WNK2: variants seen among roughly 807,000 people sequenced by gnomAD.
The protein encoded by WNK2 is WNK lysine deficient protein kinase 2.
Under a neutral mutation model 192.1 loss-of-function variants are expected in WNK2, and 67 were observed. That is an observed-to-expected ratio of 0.35 (90% CI 0.29 to 0.43). WNK2 has a LOEUF of 0.43. Among genes scored for constraint, WNK2 ranks in the 20% least tolerant of loss-of-function variants. The pLI, the probability that WNK2 is intolerant of heterozygous loss-of-function variation, is 1.00. For synonymous variants in WNK2, 1,439 were observed against 1,393.9 expected, an observed-to-expected ratio of 1.03 and a Z score of -0.72; for missense variants, 2,698 against 3,089.7, an observed-to-expected ratio of 0.87 and a Z score of 3.01.
rs59357990 is a variant in WNK2, at chr9:93,195,699, C to CAAAAAAAAAAAAAAAAAAAAAAAAAAAA, written c.681+10114_681+10115insAAAAAAAAAAAAAAAAAAAAAAAAAAAA. Among the ~76,000 whole-genome samples, 8 of 41,670 alleles carry CAAAAAAAAAAAAAAAAAAAAAAAAAAAA rather than the reference C, an allele frequency of 1.9e-4. 2 individuals are homozygous for CAAAAAAAAAAAAAAAAAAAAAAAAAAAA. Among genetic ancestry groups the CAAAAAAAAAAAAAAAAAAAAAAAAAAAA allele is most frequent in the African/African-American group, 4.7e-4 (4 of 8,600 alleles). The allele number at this position is 41,670 out of a possible 152,430, so 27.3% of individuals were successfully genotyped here. ...GGGCAACAGAGTAAAGACTTTGTCT[C>CAAAAAAAAAAAAAAAAAAAAAAAAAAAA]AAAAAAAAAAAAAAAAAAAAAAAAA... On this transcript the variant is annotated intron_variant, in intron 2 of 29. Transcript: ENST00000427277.
intron 2 of WNK2, among the ~76,000 whole-genome samples, 171 bp downstream of exon 2, chr9:93,185,781 C>A (rs746777140): frequency 6.6e-6 from 1 of 152,182 alleles, no homozygotes; most frequent in Non-Finnish European, 1.5e-5. Context: ...GGTGTGCGGA[C>A]GGCATGTGGG....
chr9:93,289,563 C>A lies in WNK2; in HGVS notation c.4809C>A (p.Ala1603=). 6.5e-7 allele frequency: 1 copy of A among 1,545,648 alleles called. No individual in the cohort carries two copies. ...PRSEVCGGDL[A]LPPVPKEAVS... ...CAGAGGTCTGCGGGGGGGACCTGGC[C>A]CTGCCCCCAGTGCCTAAGGAGGCGG... The change falls in exon 20 of 30, where the codon GCC becomes GCA. Residue 1603 remains alanine, a synonymous_variant. Transcript: ENST00000427277.
chr9:93,257,179 G>A lies in WNK2; in HGVS notation c.2382+40G>A, dbSNP rs1200210919. On this transcript the variant is annotated intron_variant, in intron 11 of 29. Transcript: ENST00000427277. The surrounding 1 kb of genome is among the most constrained non-coding windows in gnomAD (Gnocchi z 4.7). ...ATGGCTGCCGTCAGTGGTGGCGCACGCTTTGCCAGGCCCTGGCTGGTGCAC... is the reference window on the plus strand; with the variant it reads ...ATGGCTGCCGTCAGTGGTGGCGCACACTTTGCCAGGCCCTGGCTGGTGCAC... 7 of 1,579,038 alleles carry A rather than the reference G, an allele frequency of 4.4e-6. No homozygotes were observed. The highest frequency in any genetic ancestry group is 3.4e-6 in the Non-Finnish European group (4 of 1,168,562).
intron 2 of WNK2, among the ~76,000 whole-genome samples, chr9:93,193,704 A>C (rs7031721): frequency 8.5e-5 from 13 of 152,150 alleles, no homozygotes; most frequent in African/African-American, 3.1e-4. Flanking sequence ...GAGGTTGGCA[A>C]CCTGAACACT....
chr9:93,210,877 G>A (rs532425246), intron 2 of WNK2, among the ~76,000 whole-genome samples: 3 of 152,280 alleles, frequency 2.0e-5, no homozygotes, highest in East Asian at 1.9e-4. Context: ...GTCCAGGGCC[G>A]CTATGGGAGC....
rs559549711 is a variant in WNK2 at position 93,230,872 on chromosome 9, C to A, written c.855-16C>A. ...CGGCGAGCTGCTTGGTGAGCTGTGCCCGTGAACCCCTGCAGATACCTGAAG... is the reference window on the plus strand; with the variant it reads ...CGGCGAGCTGCTTGGTGAGCTGTGCACGTGAACCCCTGCAGATACCTGAAG... On this transcript the variant is annotated splice_polypyrimidine_tract_variant and intron_variant, in intron 3 of 29. Transcript: ENST00000427277. 3.1e-6 allele frequency: 5 copies of A among 1,605,090 alleles called. No individual in the cohort carries two copies. The African/African-American group carries it at 6.7e-5, about 21-fold the overall frequency.
At chr9:93,272,236 C>A (rs762668338) in intron 19 of WNK2, among the ~76,000 whole-genome samples, 3 of 152,134 alleles carry the variant, frequency 2.0e-5, no homozygotes, top group Non-Finnish European at 4.4e-5. Context: ...TCCTCGAGTT[C>A]TTTAAAACAT....
intron 2 of WNK2, among the ~76,000 whole-genome samples, chr9:93,207,495 C>T (rs946592946): frequency 6.6e-6 from 1 of 152,200 alleles, no homozygotes; most frequent in Admixed American, 6.5e-5. Context: ...GCCAGCCCCT[C>T]CTTTTTTGGA....
chr9:93,255,156 T>G (rs1393658235), intron 9 of WNK2, among the ~76,000 whole-genome samples: 2 of 152,174 alleles, frequency 1.3e-5, no homozygotes, highest in Non-Finnish European at 2.9e-5. Flanking sequence ...TCAAAAAGGA[T>G]GAGGCCTGGA....
chr9:93,247,721 A>C lies in WNK2; in HGVS notation c.1721A>C (p.Gln574Pro). 6.4e-7 allele frequency: 1 copy of C among 1,559,336 alleles called. No individual in the cohort carries two copies. Among genetic ancestry groups the C allele is most frequent in the Non-Finnish European group, 8.7e-7 (1 of 1,152,354 alleles). ...GGTCCGCCGGTGCCCCTGCAGGTCC[A>C]GGTGACCTACCATGCACAGGCTGGG... Reference protein sequence around the residue: ...ARGPPVPLQVQVTYHAQAGQP... With the variant: ...ARGPPVPLQVPVTYHAQAGQP... Residue 574 changes from glutamine (Q) to proline (P), a missense_variant, in exon 8 of 30, where the codon CAG becomes CCG. Coordinates refer to ENST00000427277, the MANE Select transcript of WNK2 (RefSeq NM_006648.4). The surrounding 1 kb of genome is among the most constrained non-coding windows in gnomAD (Gnocchi z 5.2).
At position 93,306,675 on chromosome 9, in the gene WNK2, C is replaced by T. The variant is rs1229292198; in HGVS notation, c.6215-102C>T. 3 of 1,445,518 alleles carry T rather than the reference C, an allele frequency of 2.1e-6. No homozygotes were observed. In the Admixed American group the frequency reaches 5.0e-5, roughly 24 times the overall value. 89.5% of individuals were successfully genotyped at this position (1,445,518 alleles called of 1,614,324 possible). A position where few individuals can be genotyped will look rare whatever the true frequency, so the allele number is the denominator to read the frequency against. On this transcript the variant is annotated intron_variant, in intron 26 of 29. Coordinates refer to ENST00000427277, the MANE Select transcript of WNK2 (RefSeq NM_006648.4). ...TCTGAACTGCTGCCTGTGTCTGCCC[C>T]TCCCTGCACACTGACGACTTTTGCT...
chr9:93,319,308 A>G lies in WNK2; in HGVS notation c.6629-1059A>G, dbSNP rs1020662411. On this transcript the variant is annotated intron_variant, in intron 29 of 29. Transcript: ENST00000427277. Reference sequence around the variant, plus strand: ...GGAGTTGGGAGCCAGTTCTGGGCTCAGCTGCATCCACACCTCTGGAGGAGG... The same window carrying G: ...GGAGTTGGGAGCCAGTTCTGGGCTCGGCTGCATCCACACCTCTGGAGGAGG... 6 of 1,444,652 alleles carry G rather than the reference A, an allele frequency of 4.2e-6. No individual in the cohort carries two copies. The East Asian group carries it at 1.0e-4, about 25-fold the overall frequency. 89.5% of individuals were successfully genotyped at this position (1,444,652 alleles called of 1,614,324 possible). A position where few individuals can be genotyped will look rare whatever the true frequency, so the allele number is the denominator to read the frequency against.
rs1176764673 is a variant in WNK2 at position 93,247,081 on chromosome 9, A to G, written c.1543-462A>G. On this transcript the variant is annotated intron_variant, in intron 7 of 29. Coordinates refer to ENST00000427277, the MANE Select transcript of WNK2 (RefSeq NM_006648.4). This position sits in a 1 kb window ranked among gnomAD's most constrained non-coding sequence, Gnocchi z 5.2. ...TTACTGGTCCCTAATTACAAAACGC[A>G]TGTCCTTCCTCCATCTGCAACTCGG... Among the ~76,000 whole-genome samples the G allele has an allele frequency of 2.0e-5, 3 of 152,314 alleles. No homozygotes were observed. The highest frequency in any genetic ancestry group is 2.9e-5 in the Non-Finnish European group (2 of 68,026).
intron 14 of WNK2, among the ~76,000 whole-genome samples, chr9:93,263,044 GC>G (rs1378253216): frequency 6.6e-6 from 1 of 152,164 alleles, no homozygotes; most frequent in African/African-American, 2.4e-5. Flanking sequence ...TGGGAGGGTG[GC>G]CCCCTGTGTA....
At chr9:93,209,882 C>A (rs761658730) in intron 2 of WNK2, among the ~76,000 whole-genome samples, 1 of 152,208 alleles carries the variant, frequency 6.6e-6, no homozygotes, top group Non-Finnish European at 1.5e-5. Context: ...CCTGTGCCCC[C>A]ACTCTGACTG....
chr9:93,235,076 A>C, intron 5 of WNK2, 111 bp downstream of exon 5: 1 of 1,352,454 alleles, frequency 7.4e-7, no homozygotes, highest in South Asian at 1.4e-5. Context: ...CTGTGTAAGG[A>C]GCTTGGCCAT....
intron 28 of WNK2, among the ~76,000 whole-genome samples, chr9:93,311,541 C>G (rs944500477): frequency 6.6e-5 from 10 of 152,124 alleles, no homozygotes; most frequent in African/African-American, 1.9e-4. Context: ...GACATTTCCA[C>G]TAACAGTGCA....
intron 28 of WNK2, among the ~76,000 whole-genome samples, chr9:93,314,778 G>C (rs114363338): frequency 2.6e-5 from 4 of 152,104 alleles, no homozygotes; most frequent in Admixed American, 6.5e-5. Flanking sequence ...GGACTGTAGG[G>C]TAGATGCCTG....
In WNK2 at chr9:93,308,416, C is replaced by T; in HGVS notation, c.6348C>T (p.Asn2116=). Reference sequence around the variant, plus strand: ...AGGCGCAGGTGAACAACAGCAACAACAAGAAGGGTACCTTCACGGACGACC... The same window carrying T: ...AGGCGCAGGTGAACAACAGCAACAATAAGAAGGGTACCTTCACGGACGACC... ...HVQAQVNNSN[N]KKGTFTDDLH... is the part of the protein sequence containing the mutation. The change falls in exon 28 of 30, where the codon AAC becomes AAT. Residue 2116 remains asparagine (N), a synonymous_variant. Transcript: ENST00000427277. 1 of 1,602,420 alleles carries T rather than the reference C, an allele frequency of 6.2e-7. No homozygotes were observed. The highest frequency in any genetic ancestry group is 8.5e-7 in the Non-Finnish European group (1 of 1,175,272).
Sources: gnomAD v4.1 joint callset for allele counts (sites outside exome capture counted in the v4.1 genomes callset) on GRCh38, gnomAD v4.1.1 for gene constraint, Gnocchi (gnomAD v3.1) non-coding constraint, MANE v1.5 for transcripts, NCBI Gene and HGNC (gene_info 2026-07-23, HGNC 2026-07-21) for gene names.